The following POLDIP2 variants were observed in gnomAD, a reference collection of about 807,000 sequenced individuals.
POLDIP2 encodes the protein DNA polymerase delta interacting protein 2, also known as polymerase delta-interacting protein 2.
In POLDIP2, 32 loss-of-function variants were observed where a neutral mutation model predicts 52.9. The ratio of observed to expected loss-of-function variants is 0.61; its 90% CI spans 0.46 to 0.81. The LOEUF is 0.81. POLDIP2 is among the 40% of genes least tolerant of loss of function. The probability of loss-of-function intolerance (pLI) is 0.00; values close to 1 mark genes in which losing one functional copy is unlikely to be tolerated. For missense variants in POLDIP2, 371 were observed against 477.3 expected, an observed-to-expected ratio of 0.78 and a Z score of 2.07; for synonymous variants, 183 against 183.0, an observed-to-expected ratio of 1.00 and a Z score of 0.00.
intron 6 of POLDIP2, 103 bp from the exon 7 acceptor site, chr17:28,351,903 C>T: frequency 1.8e-6 from 2 of 1,108,790 alleles, no homozygotes; most frequent in South Asian, 2.6e-5. Flanking sequence ...CCTAGAAAAC[C>T]CTCCCTAGTG....
chr17:28,350,979 T>A (rs1907775168), intron 7 of POLDIP2, among the ~76,000 whole-genome samples, 187 bp from the exon 8 acceptor site: 1 of 152,110 alleles, frequency 6.6e-6, no homozygotes, highest in African/African-American at 2.4e-5. Context: ...CATCCCTGTA[T>A]CCACTCCTGG....
chr17:28,348,858 C>T (rs1174107176), intron 10 of POLDIP2, among the ~76,000 whole-genome samples: 5 of 152,196 alleles, frequency 3.3e-5, no homozygotes, highest in Non-Finnish European at 7.3e-5. Flanking sequence ...ATCAAATCAC[C>T]AGACCTCTTT....
chr17:28,354,883 G>A (rs371614319), intron 2 of POLDIP2, among the ~76,000 whole-genome samples: 1 of 152,186 alleles, frequency 6.6e-6, no homozygotes, highest in Non-Finnish European at 1.5e-5. Context: ...TTCTAGACTA[G>A]AAACTCCACA....
Position 28,353,787 on chromosome 17 carries a change from C to T in POLDIP2, c.346G>A (p.Glu116Lys). 2 of 1,610,568 alleles carry T rather than the reference C, an allele frequency of 1.2e-6. No homozygotes were observed. Among genetic ancestry groups the T allele is most frequent in the Non-Finnish European group, 1.7e-6 (2 of 1,176,982 alleles). Residue 116 changes from glutamate (E) to lysine (K), a missense_variant, in exon 4 of 11, where the codon GAG (glutamate) becomes AAG (lysine). Glu to Lys is a moderately conservative substitution (Grantham distance 56). Coordinates refer to ENST00000540200, the MANE Select transcript of POLDIP2 (RefSeq NM_015584.5). ...TTGGAGCCATGGCCAGCAGGGTTCT[C>T]TGCTCTATGGGGTGGGAGAAGGAGG... ...DVASAAPEKA[E>K]NPAGHGSKEV...
chr17:28,356,483 C>A (rs565491800), intron 1 of POLDIP2, among the ~76,000 whole-genome samples: 1 of 152,142 alleles, frequency 6.6e-6, no homozygotes, highest in African/African-American at 2.4e-5. Flanking sequence ...TAACCTGTAG[C>A]CCTTACATTG....
chr17:28,351,814 C>A lies in POLDIP2; in HGVS notation c.623-14G>T. 6.2e-7 allele frequency: 1 copy of A among 1,612,224 alleles called. No individual in the cohort carries two copies. The highest frequency in any genetic ancestry group is 8.5e-7 in the Non-Finnish European group (1 of 1,178,520). Reference sequence around the variant, plus strand: ...CAAAAGGAGGTGCTGGGGCAAGATACAATTGGTTAGTCCAATTGTGTGTTG... The same window carrying A: ...CAAAAGGAGGTGCTGGGGCAAGATAAAATTGGTTAGTCCAATTGTGTGTTG... On this transcript the variant is annotated splice_polypyrimidine_tract_variant and intron_variant, in intron 6 of 10. Transcript: ENST00000540200.
At chr17:28,353,853 A>G in intron 3 of POLDIP2, 62 bp from the exon 4 acceptor site, 1 of 1,078,520 alleles carries the variant, frequency 9.3e-7, no homozygotes, top group Non-Finnish European at 1.4e-6. Flanking sequence ...TGGCTGACTC[A>G]GCTCCCTACT....
chr17:28,357,235 C>T, intron 1 of POLDIP2, 53 bp downstream of exon 1: 1 of 1,472,162 alleles, frequency 6.8e-7, no homozygotes, highest in South Asian at 1.2e-5. Flanking sequence ...GCTAGGAACA[C>T]GCTCTCTGGG....
intron 6 of POLDIP2, among the ~76,000 whole-genome samples, chr17:28,352,706 T>C (rs1337356212): frequency 6.6e-6 from 1 of 151,964 alleles, no homozygotes; most frequent in Admixed American, 6.6e-5. Context: ...GCCCAGCTAA[T>C]TTTTGTATTT....
In POLDIP2 at chr17:28,351,815, A is replaced by G. The variant is rs782446574; in HGVS notation, c.623-15T>C. 2.5e-5 allele frequency: 40 copies of G among 1,611,682 alleles called. No individual in the cohort carries two copies. The highest frequency in any genetic ancestry group is 3.3e-5 in the Admixed American group (2 of 60,002). On this transcript the variant is annotated splice_polypyrimidine_tract_variant and intron_variant, in intron 6 of 10. Transcript: ENST00000540200. ...AAAAGGAGGTGCTGGGGCAAGATAC[A>G]ATTGGTTAGTCCAATTGTGTGTTGT...
chr17:28,353,612 C>G, intron 4 of POLDIP2, 83 bp downstream of exon 4: 2 of 960,974 alleles, frequency 2.1e-6, no homozygotes, highest in Non-Finnish European at 3.4e-6. Flanking sequence ...CTCTGTTTGA[C>G]CCCCTTCCCT....
intron 8 of POLDIP2, 37 bp downstream of exon 8, chr17:28,350,729 C>T: frequency 1.3e-6 from 2 of 1,593,376 alleles, no homozygotes; most frequent in Non-Finnish European, 1.7e-6. Context: ...CCAGGCACAC[C>T]CCACAAGCTC....
intron 1 of POLDIP2, among the ~76,000 whole-genome samples, chr17:28,357,071 G>C (rs1328911290): frequency 2.0e-5 from 3 of 152,220 alleles, no homozygotes; most frequent in Non-Finnish European, 4.4e-5. Flanking sequence ...TCCCCCCCAG[G>C]GCCAGCCCTG....
In POLDIP2 at chr17:28,351,805, G is replaced by C. The variant is rs782771802; in HGVS notation, c.623-5C>G. ...CCCGAGCCACAAAAGGAGGTGCTGG[G>C]GCAAGATACAATTGGTTAGTCCAAT... On this transcript the variant is annotated splice_polypyrimidine_tract_variant and splice_region_variant and intron_variant, in intron 6 of 10. Coordinates refer to ENST00000540200, the MANE Select transcript of POLDIP2 (RefSeq NM_015584.5). 1.9e-6 allele frequency: 3 copies of C among 1,613,120 alleles called. No homozygotes were observed. In the Admixed American group the frequency reaches 5.0e-5, roughly 27 times the overall value.
chr17:28,356,881 G>A (rs1008123200), intron 1 of POLDIP2, among the ~76,000 whole-genome samples: 3 of 152,144 alleles, frequency 2.0e-5, no homozygotes, highest in South Asian at 4.1e-4. Flanking sequence ...GGCCTACGAG[G>A]GTCCACACCC....
chr17:28,348,252 G>C (rs1567790278), intron 10 of POLDIP2, 21 bp from the exon 11 acceptor site: 2 of 1,564,272 alleles, frequency 1.3e-6, no homozygotes, highest in South Asian at 1.1e-5. Context: ...AAAGAAGCTG[G>C]TTTAGAAGGA....
Position 28,354,011 on chromosome 17 carries a change from G to A in POLDIP2, c.342-220C>T, listed in dbSNP as rs114122431. Among the ~76,000 whole-genome samples the A allele has an allele frequency of 8.8e-3, 1,343 of 152,238 alleles. 13 individuals are homozygous for A. The highest frequency in any genetic ancestry group is 0.031 in the African/African-American group (1,275 of 41,528). Reference sequence around the variant, plus strand: ...CATGGTATGGAGCCATCATCTGACCGTGTGGATACCTCTTAAAAGAAGGGG... The same window carrying A: ...CATGGTATGGAGCCATCATCTGACCATGTGGATACCTCTTAAAAGAAGGGG... On this transcript the variant is annotated intron_variant, in intron 3 of 10. Coordinates refer to ENST00000540200, the MANE Select transcript of POLDIP2 (RefSeq NM_015584.5).
rs1555579225 is a variant in POLDIP2, at chr17:28,347,739, ACTGGGTCAGAAGGGGAGCCTGAGACT to A, written c.*352_*377del. On this transcript the variant is annotated 3_prime_UTR_variant, in exon 11 of 11. Transcript: ENST00000540200. ...GCAAAGAAAGCAGTCAAGGGCGCACACTGGGTCAGAAGGGGAGCCTGAGACTCTGGGAGCAGAAATGGCAAGGGTGG... is the reference window on the plus strand; with the variant it reads ...GCAAAGAAAGCAGTCAAGGGCGCACACTGGGAGCAGAAATGGCAAGGGTGG... 3 of 177,100 alleles carry A rather than the reference ACTGGGTCAGAAGGGGAGCCTGAGACT, an allele frequency of 1.7e-5. No homozygotes were observed. The highest frequency in any genetic ancestry group is 3.6e-5 in the Non-Finnish European group (3 of 83,796). The allele number at this position is 177,100 out of a possible 1,614,324, so 11.0% of individuals were successfully genotyped here. A position where few individuals can be genotyped will look rare whatever the true frequency, so the allele number is the denominator to read the frequency against.
chr17:28,353,066 G>C, intron 5 of POLDIP2, 47 bp from the exon 6 acceptor site: 1 of 806,240 alleles, frequency 1.2e-6, no homozygotes, highest in East Asian at 2.4e-5. Flanking sequence ...CAGGAGAGGA[G>C]AGAGATGGGG....
Sources: allele counts gnomAD v4.1 joint callset (sites outside exome capture counted in the v4.1 genomes callset), GRCh38; gene constraint gnomAD v4.1.1; transcripts MANE v1.5; gene names NCBI Gene and HGNC (gene_info 2026-07-23, HGNC 2026-07-21).